The following GTF2H3 variants were observed in gnomAD, a reference collection of about 807,000 sequenced individuals.
The protein encoded by GTF2H3 is TFIIH basal transcription factor complex p34 subunit.
GTF2H3 carries 42 observed loss-of-function variants against 51.1 expected under a neutral mutation model. The ratio of observed to expected loss-of-function variants is 0.82; its 90% CI spans 0.64 to 1.06. The LOEUF (loss-of-function observed/expected upper bound fraction) is 1.06, where lower values mean the gene tolerates loss of function less well. Among genes scored for constraint, GTF2H3 ranks in the 50% least tolerant of loss-of-function variants. The probability of loss-of-function intolerance (pLI) is 0.00; values close to 1 mark genes in which losing one functional copy is unlikely to be tolerated. For missense variants in GTF2H3, 326 were observed against 366.1 expected (o/e 0.89, Z 0.89); for synonymous variants, 123 against 123.8 (o/e 0.99, Z 0.04).
intron 5 of GTF2H3, among the ~76,000 whole-genome samples, chr12:123,651,681 G>A (rs755724619): frequency 5.3e-5 from 8 of 152,102 alleles, no homozygotes; most frequent in Non-Finnish European, 1.0e-4. Flanking sequence ...TTAGCTGGGC[G>A]TGGTGGCGGA....
rs771722734 is a variant in GTF2H3 at position 123,648,121 on chromosome 12, C to T, written c.359C>T (p.Thr120Ile). ...GTTGAAGAGATTAAAGATCTAATGACCAAAAGTAACAACTTTTAAACATTG... is the reference window on the plus strand; with the variant it reads ...GTTGAAGAGATTAAAGATCTAATGATCAAAAGTAACAACTTTTAAACATTG... ...VIVEEIKDLM[T>I]KSDIKGQHTE... The change falls in exon 4 of 13, where the codon ACC (threonine) becomes ATC (isoleucine). Residue 120 changes from threonine (T) to isoleucine (I), a missense_variant. Coordinates refer to ENST00000543341, the MANE Select transcript of GTF2H3 (RefSeq NM_001516.5). The T allele has an allele frequency of 1.3e-6, 2 of 1,592,480 alleles. No individual in the cohort carries two copies. Among genetic ancestry groups the T allele is most frequent in the African/African-American group, 1.3e-5 (1 of 74,086 alleles).
At chr12:123,644,744 A>C (rs866769014) in intron 2 of GTF2H3, among the ~76,000 whole-genome samples, 2 of 152,348 alleles carry the variant, frequency 1.3e-5, no homozygotes, top group African/African-American at 2.4e-5. Context: ...AGTATATACC[A>C]GACGTACAGT....
intron 9 of GTF2H3, chr12:123,656,113 T>G: frequency 3.6e-6 from 1 of 276,798 alleles, no homozygotes; most frequent in African/African-American, 2.2e-5. Flanking sequence ...AATTACTGAG[T>G]TTTTGTTAGA....
In GTF2H3 at chr12:123,633,888, G is replaced by C; in HGVS notation, c.13+16G>C. 1.9e-6 allele frequency: 3 copies of C among 1,613,286 alleles called. No homozygotes were observed. Among genetic ancestry groups the C allele is most frequent in the Non-Finnish European group, 2.5e-6 (3 of 1,179,866 alleles). The stretch of plus-strand genomic sequence containing the variant: ...GTTTCAGACGGTGAGGACCCTGCAG[G>C]GCGGGACTTCGACTCCGGGGCTCGG... On this transcript the variant is annotated intron_variant, in intron 1 of 12. Coordinates refer to ENST00000543341, the MANE Select transcript of GTF2H3 (RefSeq NM_001516.5).
chr12:123,659,124 C>A (rs1010098452), intron 9 of GTF2H3, among the ~76,000 whole-genome samples: 3 of 152,278 alleles, frequency 2.0e-5, no homozygotes, highest in Admixed American at 1.3e-4. Flanking sequence ...AATGGTATAG[C>A]CACTTCAGGA....
At position 123,633,882 on chromosome 12, in the gene GTF2H3, C is replaced by G. The variant is rs779821385; in HGVS notation, c.13+10C>G. The G allele has an allele frequency of 8.6e-5, 138 of 1,613,342 alleles. No homozygotes were observed. The highest frequency in any genetic ancestry group is 1.0e-4 in the Non-Finnish European group (122 of 1,179,950). ...GCCATGGTTTCAGACGGTGAGGACCCTGCAGGGCGGGACTTCGACTCCGGG... is the reference window on the plus strand; with the variant it reads ...GCCATGGTTTCAGACGGTGAGGACCGTGCAGGGCGGGACTTCGACTCCGGG... On this transcript the variant is annotated intron_variant, in intron 1 of 12. Transcript: ENST00000543341.
chr12:123,647,510 T>A (rs1955465216), intron 3 of GTF2H3, among the ~76,000 whole-genome samples: 1 of 152,080 alleles, frequency 6.6e-6, no homozygotes, highest in African/African-American at 2.4e-5. Flanking sequence ...GAGAATCTTT[T>A]CAGGGACCTT....
At chr12:123,648,262 A>T (rs1221029026) in intron 4 of GTF2H3, 136 bp downstream of exon 4, 4 of 604,892 alleles carry the variant, frequency 6.6e-6, no homozygotes, top group Non-Finnish European at 1.1e-5. Flanking sequence ...TTTTCGTCAA[A>T]GTTGGTTCAT....
At chr12:123,638,390 T>C (rs11572929) in intron 1 of GTF2H3, among the ~76,000 whole-genome samples, 7,247 of 151,880 alleles carry the variant, frequency 0.048, 298 homozygotes, top group African/African-American at 0.11. Flanking sequence ...GGGCTGGTCT[T>C]GAACTTATGA....
intron 2 of GTF2H3, among the ~76,000 whole-genome samples, chr12:123,643,271 A>G (rs1955403789): frequency 6.6e-6 from 1 of 152,240 alleles, no homozygotes; most frequent in Admixed American, 6.5e-5. Context: ...TATGCAATTT[A>G]CTATAAAGAG....
rs191323865 is a variant in GTF2H3, at chr12:123,659,405, G to A, written c.616-111G>A. 114 of 762,398 alleles carry A rather than the reference G, an allele frequency of 1.5e-4. 2 individuals carry two copies. The highest frequency in any genetic ancestry group is 1.2e-3 in the South Asian group (82 of 69,254). 47.2% of individuals were successfully genotyped at this position (762,398 alleles called of 1,614,324 possible). On this transcript the variant is annotated intron_variant, in intron 9 of 12. Transcript: ENST00000543341. The stretch of plus-strand genomic sequence containing the variant: ...AAATAAAATAATAATAATCTGCAGT[G>A]TCATATCCTCCTCTGATTTTGTAGG...
chr12:123,648,361 C>A, intron 4 of GTF2H3: 1 of 323,482 alleles, frequency 3.1e-6, no homozygotes, highest in Non-Finnish European at 5.6e-6. Context: ...TGCCCTGTGA[C>A]CTGTTTTTCC....
At chr12:123,644,747 C>T (rs1376308429) in intron 2 of GTF2H3, among the ~76,000 whole-genome samples, 4 of 151,898 alleles carry the variant, frequency 2.6e-5, no homozygotes, top group East Asian at 1.9e-4. Context: ...ATATACCAGA[C>T]GTACAGTAGT....
intron 3 of GTF2H3, 68 bp from the exon 4 acceptor site, chr12:123,647,895 A>T: frequency 9.1e-7 from 1 of 1,093,206 alleles, no homozygotes; most frequent in Non-Finnish European, 1.3e-6. Context: ...GCTGAATTTC[A>T]TTCTGATCAT....
intron 4 of GTF2H3, chr12:123,650,376 G>T (rs1343530249): frequency 6.6e-6 from 1 of 152,354 alleles, no homozygotes; most frequent in Non-Finnish European, 1.5e-5. Flanking sequence ...GGGATGGTGG[G>T]AGAGGGAGGG....
chr12:123,644,258 T>A (rs1955416958), intron 2 of GTF2H3, among the ~76,000 whole-genome samples: 1 of 152,180 alleles, frequency 6.6e-6, no homozygotes, highest in Non-Finnish European at 1.5e-5. Context: ...GAAGTTTCTC[T>A]GAACATATGA....
At chr12:123,641,295 C>G (rs2135781488) in intron 2 of GTF2H3, among the ~76,000 whole-genome samples, 1 of 150,968 alleles carries the variant, frequency 6.6e-6, no homozygotes, top group Non-Finnish European at 1.5e-5. Flanking sequence ...GGTGTGATCT[C>G]TGCTCACTGC....
chr12:123,645,326 T>C, intron 2 of GTF2H3, 129 bp from the exon 3 acceptor site: 1 of 616,510 alleles, frequency 1.6e-6, no homozygotes. Context: ...CACCTTGGCC[T>C]CTCAGGGTGC....
chr12:123,642,725 G>A (rs543728229), intron 2 of GTF2H3, among the ~76,000 whole-genome samples: 4 of 152,036 alleles, frequency 2.6e-5, no homozygotes, highest in East Asian at 1.9e-4. Flanking sequence ...TTACACCTGC[G>A]CATGTTATAA....
Sources: allele counts gnomAD v4.1 joint callset (sites outside exome capture counted in the v4.1 genomes callset), GRCh38; gene constraint gnomAD v4.1.1; transcripts MANE v1.5; gene names NCBI Gene and HGNC (gene_info 2026-07-23, HGNC 2026-07-21).